The following BUD13 variants were observed in gnomAD, a reference collection of about 807,000 sequenced individuals.
BUD13 encodes the protein BUD13 homolog.
Under a neutral mutation model 62.5 loss-of-function variants are expected in BUD13, and 47 were observed. The observed-to-expected ratio is 0.75, with a 90% CI of 0.60 to 0.96. BUD13 has a LOEUF of 0.96. Ranked by LOEUF, BUD13 falls within the 40% of genes least tolerant of loss-of-function variation. The pLI is 0.00. For missense variants in BUD13, 821 were observed against 790.9 expected (o/e 1.04, Z -0.46); for synonymous variants, 293 against 280.1 (o/e 1.05, Z -0.46).
chr11:116,758,406 A>T lies in BUD13; in HGVS notation c.1362T>A (p.Ala454=). 1 of 1,613,790 alleles carries T rather than the reference A, an allele frequency of 6.2e-7. No individual in the cohort carries two copies. Among genetic ancestry groups the T allele is most frequent in the Middle Eastern group, 1.6e-4 (1 of 6,062 alleles). The part of the protein sequence containing the change: ...EQDQETMAFE[A]EFQYAETVFR... ...ATACGGTTTCAGCATATTGAAATTC[A>T]GCTGCAAAGGAAAATTATACTCAAA... The change falls in exon 7 of 10, where the codon GCT becomes GCA. Residue 454 remains alanine (A), a splice_region_variant and synonymous_variant. Transcript: ENST00000260210.
Position 116,759,154 on chromosome 11 carries a change from T to A in BUD13, c.1280A>T (p.Lys427Ile), listed in dbSNP as rs1308085706. 2.5e-6 allele frequency: 4 copies of A among 1,614,136 alleles called. No individual in the cohort carries two copies. In the South Asian group the frequency reaches 3.3e-5, roughly 13 times the overall value. ...KKAAHMYSGA[K>I]TGLVLTDIQR... ...TATGTCAGTTAACACCAACCCAGTT[T>A]TAGCCCCAGAATACATGTGTGCAGC... Residue 427 changes from lysine to isoleucine, a missense_variant, in exon 6 of 10, where the codon AAA (lysine) becomes ATA (isoleucine). Around this residue, in one of 2 missense-constraint regions of BUD13, gnomAD observed 800 missense variants for 739.2 expected, o/e 1.08. Coordinates refer to ENST00000260210, the MANE Select transcript of BUD13 (RefSeq NM_032725.4).
At chr11:116,768,440 A>G (rs866173118) in intron 2 of BUD13, among the ~76,000 whole-genome samples, 10 of 152,310 alleles carry the variant, frequency 6.6e-5, no homozygotes, top group African/African-American at 2.2e-4. Flanking sequence ...TATAATCTCT[A>G]AAGAGAAAAA....
At chr11:116,765,052 A>G (rs530488529) in intron 3 of BUD13, among the ~76,000 whole-genome samples, 1 of 152,286 alleles carries the variant, frequency 6.6e-6, no homozygotes, top group African/African-American at 2.4e-5. Context: ...AACTCCTCCC[A>G]AAGTCTTGCC....
rs747603908 is a variant in BUD13 at position 116,759,197 on chromosome 11, G to C, written c.1255-18C>G. ...TGTGCAGCCTATGCAACGGAAAAGGGAGCATCCAACATTAATGAGATGATG... is the reference window on the plus strand; with the variant it reads ...TGTGCAGCCTATGCAACGGAAAAGGCAGCATCCAACATTAATGAGATGATG... On this transcript the variant is annotated intron_variant, in intron 5 of 9. Coordinates refer to ENST00000260210, the MANE Select transcript of BUD13 (RefSeq NM_032725.4). 6.3e-7 allele frequency: 1 copy of C among 1,582,502 alleles called. No homozygotes were observed. The highest frequency in any genetic ancestry group is 8.7e-7 in the Non-Finnish European group (1 of 1,151,380).
intron 2 of BUD13, 40 bp from the exon 3 acceptor site, chr11:116,765,486 G>A (rs765383793): frequency 3.7e-6 from 6 of 1,608,474 alleles, no homozygotes; most frequent in Non-Finnish European, 2.6e-6. Flanking sequence ...AAATCCACAG[G>A]ATCCAGCCAA....
chr11:116,766,087 CA>C (rs766491578), intron 2 of BUD13, among the ~76,000 whole-genome samples: 35 of 152,280 alleles, frequency 2.3e-4, no homozygotes, highest in African/African-American at 8.2e-4. Flanking sequence ...CTGCATTTTT[CA>C]AAAATGTTAG....
rs574354360 is a variant in BUD13, at chr11:116,770,374, T to C, written c.144-152A>G. The C allele has an allele frequency of 3.0e-4, 180 of 604,246 alleles. No individual in the cohort carries two copies. In the Middle Eastern group the frequency reaches 3.1e-3, roughly 10 times the overall value. 37.4% of individuals were successfully genotyped at this position (604,246 alleles called of 1,614,324 possible). On this transcript the variant is annotated intron_variant, in intron 1 of 9. Coordinates refer to ENST00000260210, the MANE Select transcript of BUD13 (RefSeq NM_032725.4). ...GGTCAACTTCATCTCCTACTGCTAC[T>C]TCCTTGGTTGAACACCTCCCTGGTC...
At chr11:116,772,729 G>T in intron 1 of BUD13, 93 bp downstream of exon 1, 1 of 1,398,282 alleles carries the variant, frequency 7.2e-7, no homozygotes, top group Non-Finnish European at 9.3e-7. Flanking sequence ...CGAGAGACCC[G>T]CCAAGAGGGA....
chr11:116,770,454 G>A (rs1438329083), intron 1 of BUD13, among the ~76,000 whole-genome samples: 1 of 151,706 alleles, frequency 6.6e-6, no homozygotes, highest in Non-Finnish European at 1.5e-5. Context: ...TTTCACATAT[G>A]CAGTTCCTTC....
rs749454319 is a variant in BUD13, at chr11:116,748,584, A to G, written c.1767-9T>C. 1 of 1,613,932 alleles carries G rather than the reference A, an allele frequency of 6.2e-7. No homozygotes were observed. Among genetic ancestry groups the G allele is most frequent in the Non-Finnish European group, 8.5e-7 (1 of 1,179,748 alleles). On this transcript the variant is annotated splice_polypyrimidine_tract_variant and intron_variant, in intron 9 of 9. Transcript: ENST00000260210. Reference sequence around the variant, plus strand: ...GTTCAAATCCATTGGATCTGCAATCAAAAGAGACATACTATTCAGCTAGAA... The same window carrying G: ...GTTCAAATCCATTGGATCTGCAATCGAAAGAGACATACTATTCAGCTAGAA...
At chr11:116,763,916 T>C (rs1244904294) in intron 3 of BUD13, among the ~76,000 whole-genome samples, 1 of 152,194 alleles carries the variant, frequency 6.6e-6, no homozygotes, top group Non-Finnish European at 1.5e-5. Flanking sequence ...TGTGTGCCAG[T>C]GTTTCATAGA....
At chr11:116,761,696 T>A (rs1940434817) in intron 4 of BUD13, among the ~76,000 whole-genome samples, 1 of 152,308 alleles carries the variant, frequency 6.6e-6, no homozygotes, top group East Asian at 1.9e-4. Context: ...GACTAAAGGA[T>A]AACAAAGTAC....
At chr11:116,751,013 G>C (rs1186667194) in intron 9 of BUD13, among the ~76,000 whole-genome samples, 2 of 152,028 alleles carry the variant, frequency 1.3e-5, no homozygotes, top group South Asian at 2.1e-4. Context: ...ATCTTGGCTG[G>C]TTACCAACAT....
intron 9 of BUD13, among the ~76,000 whole-genome samples, chr11:116,752,766 T>C (rs1364463862): frequency 6.6e-6 from 1 of 152,226 alleles, no homozygotes; most frequent in South Asian, 2.1e-4. Context: ...AGTCAACTTA[T>C]AGATATCTGC....
intron 1 of BUD13, among the ~76,000 whole-genome samples, chr11:116,770,548 G>A (rs1940608529): frequency 6.7e-6 from 1 of 150,262 alleles, no homozygotes; most frequent in African/African-American, 2.5e-5. Context: ...AGGCTGGAGT[G>A]CAGTGGCACG....
chr11:116,762,693 G>A lies in BUD13; in HGVS notation c.896C>T (p.Ser299Phe), dbSNP rs755881901. ...KAPERASSKT[S>F]PHWKESGASH... ...GGCTCCTGACTCCTTCCAATGTGGA[G>A]AAGTCTTGCTAGAGGCTCTTTCTGG... The change falls in exon 4 of 10, where the codon TCT (serine) becomes TTT (phenylalanine). Residue 299 changes from serine (S) to phenylalanine (F), a missense_variant. By Grantham distance (155) the Ser-to-Phe change is radical. Transcript: ENST00000260210. The A allele has an allele frequency of 1.9e-6, 3 of 1,614,208 alleles. No individual in the cohort carries two copies. In the East Asian group the frequency reaches 6.7e-5, roughly 36 times the overall value.
chr11:116,760,697 C>G, intron 5 of BUD13, 38 bp downstream of exon 5: 1 of 1,593,184 alleles, frequency 6.3e-7, no homozygotes, highest in Non-Finnish European at 8.6e-7. Context: ...AGAGAAGAGT[C>G]ACACGAAAAG....
Position 116,757,207 on chromosome 11 carries a change from G to A in BUD13, c.1705C>T (p.Pro569Ser), listed in dbSNP as rs1464986026. ...NKKVRPRYSG[P>S]APPPNRFNIW... is the part of the protein sequence containing the mutation. The stretch of plus-strand genomic sequence containing the variant: ...TTAAATCTGTTGGGAGGAGGTGCTG[G>A]ACCACTGTAGCGAGGTCTCACTAAT... Residue 569 changes from proline to serine, a missense_variant, in exon 9 of 10, where the codon CCA becomes TCA. By Grantham distance (74) the Pro-to-Ser change is moderately conservative. Transcript: ENST00000260210. The A allele has an allele frequency of 6.2e-7, 1 of 1,614,152 alleles. No individual in the cohort carries two copies.
chr11:116,757,331 T>C lies in BUD13; in HGVS notation c.1685-104A>G, dbSNP rs184078750. On this transcript the variant is annotated intron_variant, in intron 8 of 9. Transcript: ENST00000260210. ...CTTTTTTTTTAGTAGAGTCTCACTC[T>C]GTTGCCCAGGCTGGAGTACAGTGGC... 1.5e-4 allele frequency: 156 copies of C among 1,034,508 alleles called. 1 individual carries two copies. The East Asian group carries it at 3.7e-3, about 25-fold the overall frequency. The allele number at this position is 1,034,508 out of a possible 1,614,324, so 64.1% of individuals were successfully genotyped here. A position where few individuals can be genotyped will look rare whatever the true frequency, so the allele number is the denominator to read the frequency against.
Sources: allele counts gnomAD v4.1 joint callset (sites outside exome capture counted in the v4.1 genomes callset), GRCh38; gene constraint gnomAD v4.1.1; regional missense constraint gnomAD v4.1.1; transcripts MANE v1.5; gene names NCBI Gene and HGNC (gene_info 2026-07-23, HGNC 2026-07-21).